The following PIP4P2 variants were observed in gnomAD, a reference collection of about 807,000 sequenced individuals.
PIP4P2 encodes phosphatidylinositol-4,5-bisphosphate 4-phosphatase 2, also known as type 2 phosphatidylinositol 4,5-bisphosphate 4-phosphatase.
In PIP4P2, 19 loss-of-function variants were observed where a neutral mutation model predicts 33.3. The observed-to-expected ratio is 0.57, with a 90% CI of 0.40 to 0.84. The LOEUF is 0.84. PIP4P2 is among the 40% of genes least tolerant of loss of function. The pLI, the probability that PIP4P2 is intolerant of heterozygous loss-of-function variation, is 0.00. For missense variants in PIP4P2, 270 were observed against 324.7 expected, an observed-to-expected ratio of 0.83 and a Z score of 1.29; for synonymous variants, 110 against 111.9, an observed-to-expected ratio of 0.98 and a Z score of 0.11.
chr8:91,021,390 G>A lies in PIP4P2; in HGVS notation c.121C>T (p.Pro41Ser). ...TCTGGACTGGCAATGGCTGTATATG[G>A]AGGTGGGAGCTCCGCTGAAAAGATA... ...ESSPRAELPP[P>S]YTAIASPDAS... Residue 41 changes from proline (P) to serine (S), a missense_variant, in exon 2 of 7, where the codon CCA (proline) becomes TCA (serine). Coordinates refer to ENST00000285419, the MANE Select transcript of PIP4P2 (RefSeq NM_018710.3). The A allele has an allele frequency of 6.2e-7, 1 of 1,613,696 alleles. No individual in the cohort carries two copies. Among genetic ancestry groups the A allele is most frequent in the Non-Finnish European group, 8.5e-7 (1 of 1,179,740 alleles).
intron 1 of PIP4P2, among the ~76,000 whole-genome samples, chr8:91,027,825 G>T (rs1812103049): frequency 6.6e-6 from 1 of 152,126 alleles, no homozygotes; most frequent in African/African-American, 2.4e-5. Flanking sequence ...TGTTGAAGTG[G>T]ATTTATCATA....
chr8:91,014,365 C>T (rs973310336), intron 4 of PIP4P2, among the ~76,000 whole-genome samples: 2 of 152,012 alleles, frequency 1.3e-5, no homozygotes, highest in Non-Finnish European at 2.9e-5. Context: ...GACAGATGAA[C>T]GGATAAAGAA....
At chr8:91,006,406 A>G (rs1334185387) in intron 5 of PIP4P2, among the ~76,000 whole-genome samples, 3 of 152,210 alleles carry the variant, frequency 2.0e-5, no homozygotes, top group Non-Finnish European at 4.4e-5. Context: ...TCTTCATATT[A>G]ATACACTGTC....
At chr8:91,039,709 G>GT (rs1386488044) in intron 1 of PIP4P2, among the ~76,000 whole-genome samples, 1 of 151,996 alleles carries the variant, frequency 6.6e-6, no homozygotes, top group Non-Finnish European at 1.5e-5. Context: ...ACCTAAGTGG[G>GT]TTTTTTTAAG....
intron 3 of PIP4P2, among the ~76,000 whole-genome samples, chr8:91,019,395 CAAAAAAA>C (rs71510466): frequency 5.1e-4 from 10 of 19,694 alleles, no homozygotes; most frequent in African/African-American, 1.7e-3. Flanking sequence ...CCTGTCTCTA[CAAAAAAA>C]AAAAAAAAAA....
chr8:91,002,230 C>A (rs1453835997), intron 5 of PIP4P2, among the ~76,000 whole-genome samples: 1 of 152,114 alleles, frequency 6.6e-6, no homozygotes, highest in East Asian at 1.9e-4. Flanking sequence ...TGGTCCCCAA[C>A]TGTCATATGA....
Position 91,035,181 on chromosome 8 carries a change from T to C in PIP4P2, c.106+5463A>G, listed in dbSNP as rs1812218611. On this transcript the variant is annotated intron_variant, in intron 1 of 6. Coordinates refer to ENST00000285419, the MANE Select transcript of PIP4P2 (RefSeq NM_018710.3). ...GTGAAAAGGATATGGCAATGTCTTC[T>C]AAAACACAATTATGACAATTACGCT... Among the ~76,000 whole-genome samples the C allele has an allele frequency of 2.0e-5, 3 of 152,332 alleles. No individual in the cohort carries two copies. In the South Asian group the frequency reaches 6.2e-4, roughly 32 times the overall value.
chr8:91,004,099 T>A (rs7825360), intron 5 of PIP4P2, among the ~76,000 whole-genome samples: 110,732 of 151,778 alleles, frequency 0.73, 41,325 homozygotes, highest in African/African-American at 0.83. Context: ...TCTGTAAGAG[T>A]CCCTGGACTG....
At chr8:91,040,388 A>ACAACATCACCACCACCACCAC (rs1239746740) in intron 1 of PIP4P2, among the ~76,000 whole-genome samples, 1 of 149,732 alleles carries the variant, frequency 6.7e-6, no homozygotes, top group Non-Finnish European at 1.5e-5. Flanking sequence ...ATACACACAC[A>ACAACATCACCACCACCACCAC]CACCATCACC....
intron 1 of PIP4P2, among the ~76,000 whole-genome samples, chr8:91,031,370 T>C (rs1334932448): frequency 6.6e-6 from 1 of 152,226 alleles, no homozygotes; most frequent in Non-Finnish European, 1.5e-5. Flanking sequence ...CTATCATTTC[T>C]CTATATTGTT....
intron 4 of PIP4P2, among the ~76,000 whole-genome samples, chr8:91,009,049 A>T (rs1286774764): frequency 6.6e-6 from 1 of 152,100 alleles, no homozygotes; most frequent in African/African-American, 2.4e-5. Flanking sequence ...TGAATACTGA[A>T]TGTAATACCA....
intron 1 of PIP4P2, among the ~76,000 whole-genome samples, chr8:91,031,641 C>T (rs1812165584): frequency 6.6e-6 from 1 of 152,310 alleles, no homozygotes; most frequent in African/African-American, 2.4e-5. Context: ...AATCATGCAG[C>T]ACACACATGC....
intron 3 of PIP4P2, 95 bp downstream of exon 3, chr8:91,020,062 T>C: frequency 8.2e-7 from 1 of 1,224,552 alleles, no homozygotes; most frequent in Non-Finnish European, 1.1e-6. Flanking sequence ...AAACAAAAAC[T>C]CTTTCTAGAA....
chr8:91,007,726 G>C (rs1811781176), intron 5 of PIP4P2, among the ~76,000 whole-genome samples: 1 of 152,198 alleles, frequency 6.6e-6, no homozygotes, highest in African/African-American at 2.4e-5. Flanking sequence ...CTGGCATCTA[G>C]AAATTTAGAT....
intron 1 of PIP4P2, among the ~76,000 whole-genome samples, chr8:91,033,071 G>A (rs1812193418): frequency 6.6e-6 from 1 of 152,070 alleles, no homozygotes; most frequent in Non-Finnish European, 1.5e-5. Context: ...CATAGTCCTT[G>A]GAAACAAACA....
intron 1 of PIP4P2, among the ~76,000 whole-genome samples, chr8:91,034,431 T>C (rs1563569946): frequency 6.6e-6 from 1 of 152,252 alleles, no homozygotes; most frequent in Non-Finnish European, 1.5e-5. Context: ...GCCGATCTAT[T>C]TCACCAATGT....
chr8:91,011,368 T>A (rs939958913), intron 4 of PIP4P2, among the ~76,000 whole-genome samples: 1 of 152,076 alleles, frequency 6.6e-6, no homozygotes, highest in South Asian at 2.1e-4. Context: ...TCAGTTGTGT[T>A]AAGAAACTTC....
intron 1 of PIP4P2, among the ~76,000 whole-genome samples, chr8:91,031,977 C>A (rs182273281): frequency 3.2e-4 from 48 of 152,062 alleles, no homozygotes; most frequent in African/African-American, 1.1e-3. Flanking sequence ...CTAAGAACAA[C>A]TGTGTCATAA....
At chr8:91,025,693 A>T (rs901129050) in intron 1 of PIP4P2, among the ~76,000 whole-genome samples, 1 of 152,226 alleles carries the variant, frequency 6.6e-6, no homozygotes, top group African/African-American at 2.4e-5. Context: ...ATATTTTACG[A>T]TTATAAGAGG....
Sources: allele counts gnomAD v4.1 joint callset (sites outside exome capture counted in the v4.1 genomes callset), GRCh38; gene constraint gnomAD v4.1.1; transcripts MANE v1.5; gene names NCBI Gene and HGNC (gene_info 2026-07-23, HGNC 2026-07-21).